The following SPIDR variants were observed in gnomAD, a reference collection of about 807,000 sequenced individuals.
SPIDR encodes scaffold protein involved in DNA repair.
A neutral mutation model predicts 104.6 loss-of-function variants in SPIDR; 93 were observed. That is an observed-to-expected ratio of 0.89 (90% CI 0.75 to 1.06). The LOEUF (loss-of-function observed/expected upper bound fraction) is 1.06, where lower values mean the gene tolerates loss of function less well. Ranked by LOEUF, SPIDR falls within the 50% of genes least tolerant of loss-of-function variation. The pLI, the probability that SPIDR is intolerant of heterozygous loss-of-function variation, is 0.00. For synonymous variants in SPIDR, 431 were observed against 416.9 expected (o/e 1.03, Z -0.41); for missense variants, 1,154 against 1,111.2 (o/e 1.04, Z -0.55).
intron 8 of SPIDR, among the ~76,000 whole-genome samples, chr8:47,519,412 A>C (rs117844684): frequency 0.03 from 4,536 of 152,228 alleles, 128 homozygotes; most frequent in Middle Eastern, 0.085. Context: ...CCCAAAATGC[A>C]GGGATTACAG....
At chr8:47,526,522 T>C (rs1250243534) in intron 8 of SPIDR, among the ~76,000 whole-genome samples, 1 of 152,042 alleles carries the variant, frequency 6.6e-6, no homozygotes, top group Non-Finnish European at 1.5e-5. Flanking sequence ...AGAAAAAAAA[T>C]GAACCCTGCT....
chr8:47,529,652 AAGG>A (rs748916981), intron 8 of SPIDR, among the ~76,000 whole-genome samples: 49 of 152,238 alleles, frequency 3.2e-4, no homozygotes, highest in Non-Finnish European at 5.9e-4. Context: ...TACATAAAGA[AAGG>A]AGGATTATAA....
chr8:47,718,749 A>G (rs2082942672), intron 16 of SPIDR, among the ~76,000 whole-genome samples: 1 of 152,212 alleles, frequency 6.6e-6, no homozygotes, highest in East Asian at 1.9e-4. Context: ...GGTCTTGGCC[A>G]AGCAATGGCA....
At chr8:47,602,960 G>A (rs1353503797) in intron 10 of SPIDR, among the ~76,000 whole-genome samples, 1 of 152,168 alleles carries the variant, frequency 6.6e-6, no homozygotes, top group Non-Finnish European at 1.5e-5. Flanking sequence ...TTCTCAAGGT[G>A]TTGTAGGTCA....
rs571060866 is a variant in SPIDR, at chr8:47,343,584, G to A, written c.525+49554G>A. ...AAGCTGAGGAAAGCTGCCTGGGGTGGATGGAGTCTCATCTGCGTGTGCTTC... is the reference window on the plus strand; with the variant it reads ...AAGCTGAGGAAAGCTGCCTGGGGTGAATGGAGTCTCATCTGCGTGTGCTTC... On this transcript the variant is annotated intron_variant, in intron 5 of 19. Coordinates refer to ENST00000297423, the MANE Select transcript of SPIDR (RefSeq NM_001080394.4). Among the ~76,000 whole-genome samples, 130 of 152,296 alleles carry A rather than the reference G, an allele frequency of 8.5e-4. 5 individuals carry two copies. Among genetic ancestry groups the A allele is most frequent in the Middle Eastern group, 3.4e-3 (1 of 294 alleles).
chr8:47,406,773 G>A (rs2062813972), intron 6 of SPIDR, among the ~76,000 whole-genome samples: 1 of 152,150 alleles, frequency 6.6e-6, no homozygotes, highest in Non-Finnish European at 1.5e-5. Flanking sequence ...GTCCATTCTG[G>A]TTTTAACAGC....
chr8:47,635,443 T>C (rs149185072), intron 10 of SPIDR, among the ~76,000 whole-genome samples: 129 of 152,312 alleles, frequency 8.5e-4, no homozygotes, highest in African/African-American at 3.0e-3. Flanking sequence ...TGTGATTAAG[T>C]GTTGTATGCC....
intron 5 of SPIDR, among the ~76,000 whole-genome samples, chr8:47,359,338 C>T (rs1685239854): frequency 6.6e-6 from 1 of 151,332 alleles, no homozygotes; most frequent in Admixed American, 6.6e-5. Flanking sequence ...ATGAAAGTTT[C>T]AAACTTCGAA....
intron 5 of SPIDR, among the ~76,000 whole-genome samples, chr8:47,375,316 A>G (rs1217839029): frequency 1.6e-5 from 2 of 126,326 alleles, no homozygotes; most frequent in Non-Finnish European, 1.5e-5. Context: ...ATCGTGGCTC[A>G]CCACAACCTC....
chr8:47,672,927 G>A (rs2075979521), intron 10 of SPIDR, among the ~76,000 whole-genome samples: 1 of 152,210 alleles, frequency 6.6e-6, no homozygotes, highest in Non-Finnish European at 1.5e-5. Flanking sequence ...TCATTAAGGA[G>A]TCTACAGTTC....
At chr8:47,353,522 A>G (rs2053955253) in intron 5 of SPIDR, among the ~76,000 whole-genome samples, 1 of 152,184 alleles carries the variant, frequency 6.6e-6, no homozygotes, top group African/African-American at 2.4e-5. Context: ...AGGAGGCCAG[A>G]GCGTAGGTTT....
chr8:47,684,652 C>T (rs1267596734), intron 11 of SPIDR, among the ~76,000 whole-genome samples: 1 of 152,220 alleles, frequency 6.6e-6, no homozygotes, highest in Non-Finnish European at 1.5e-5. Context: ...CTTCCTCAGA[C>T]TTTCTCTTTC....
intron 10 of SPIDR, among the ~76,000 whole-genome samples, chr8:47,642,350 A>C (rs920848458): frequency 2.7e-5 from 4 of 147,874 alleles, no homozygotes; most frequent in African/African-American, 1.0e-4. Flanking sequence ...CAGGAGGTGG[A>C]GGTTGCTGTG....
At chr8:47,685,104 T>A (rs2077586501) in intron 11 of SPIDR, among the ~76,000 whole-genome samples, 1 of 152,102 alleles carries the variant, frequency 6.6e-6, no homozygotes, top group Non-Finnish European at 1.5e-5. Flanking sequence ...CCCAGCTATT[T>A]GGGAGGCTGA....
intron 5 of SPIDR, among the ~76,000 whole-genome samples, chr8:47,349,367 A>C (rs973789619): frequency 6.6e-6 from 1 of 152,158 alleles, no homozygotes; most frequent in East Asian, 1.9e-4. Context: ...ACCCGGCTGT[A>C]TGAGGTGTCA....
chr8:47,427,645 C>T (rs1329748177), intron 7 of SPIDR, among the ~76,000 whole-genome samples: 1 of 152,200 alleles, frequency 6.6e-6, no homozygotes, highest in Non-Finnish European at 1.5e-5. Context: ...CGTCTCTGTG[C>T]ACCAGATGCA....
intron 10 of SPIDR, among the ~76,000 whole-genome samples, chr8:47,659,311 T>C (rs1032963563): frequency 2.6e-5 from 4 of 152,202 alleles, no homozygotes; most frequent in Non-Finnish European, 5.9e-5. Context: ...TTGTCACTTT[T>C]AGCAAAGTAA....
chr8:47,338,873 G>GT (rs1172561273), intron 5 of SPIDR, among the ~76,000 whole-genome samples: 1 of 152,198 alleles, frequency 6.6e-6, no homozygotes, highest in Non-Finnish European at 1.5e-5. Context: ...CCCAGCTGTT[G>GT]TGGGGGGGTC....
At chr8:47,344,974 C>A (rs1440331166) in intron 5 of SPIDR, among the ~76,000 whole-genome samples, 1 of 152,126 alleles carries the variant, frequency 6.6e-6, no homozygotes, top group South Asian at 2.1e-4. Context: ...TAATTAGATC[C>A]CATTTGTCAA....
Sources: allele counts gnomAD v4.1 joint callset (sites outside exome capture counted in the v4.1 genomes callset), GRCh38; gene constraint gnomAD v4.1.1; transcripts MANE v1.5; gene names NCBI Gene and HGNC (gene_info 2026-07-23, HGNC 2026-07-21).